The following CSMD1 variants were observed in gnomAD, a reference collection of about 807,000 sequenced individuals.
The protein encoded by CSMD1 is CUB and Sushi multiple domains 1, also known as CUB and sushi domain-containing protein 1.
Under a neutral mutation model 417.5 loss-of-function variants are expected in CSMD1, and 213 were observed. The observed-to-expected ratio is 0.51, with a 90% CI of 0.46 to 0.57. The LOEUF is 0.57. CSMD1 is among the 20% of genes least tolerant of loss of function. CSMD1 has a pLI of 0.00. For missense variants in CSMD1, 6,923 were observed against 4,529.7 expected (o/e 1.53, Z -15.17); for synonymous variants, 2,862 against 1,736.8 (o/e 1.65, Z -16.11).
intron 5 of CSMD1, among the ~76,000 whole-genome samples, chr8:3,771,459 G>T (rs576030067): frequency 2.0e-5 from 3 of 152,178 alleles, no homozygotes; most frequent in East Asian, 1.9e-4. Context: ...TTGCTGGTGG[G>T]GGGGCAAGCA....
intron 3 of CSMD1, among the ~76,000 whole-genome samples, chr8:4,390,497 T>TTTTTTTTTTATTTATTTATTTA (rs58291340): frequency 7.8e-5 from 11 of 140,322 alleles, no homozygotes; most frequent in Admixed American, 6.4e-4. Context: ...AAGCGTCCAT[T>TTTTTTTTTTATTTATTTATTTA]TTTATTTATT....
chr8:4,147,338 G>A (rs1177280461), intron 3 of CSMD1, among the ~76,000 whole-genome samples: 2 of 151,988 alleles, frequency 1.3e-5, no homozygotes, highest in African/African-American at 4.8e-5. Flanking sequence ...CCTGTCTATT[G>A]CGCCCCACCC....
At chr8:2,979,378 G>C (rs1051131847) in intron 54 of CSMD1, among the ~76,000 whole-genome samples, 3 of 152,244 alleles carry the variant, frequency 2.0e-5, no homozygotes, top group African/African-American at 7.2e-5. Context: ...GGTCCGTGGT[G>C]AGGCAGTCTT....
intron 5 of CSMD1, among the ~76,000 whole-genome samples, chr8:3,861,557 C>T (rs74548477): frequency 0.037 from 5,699 of 152,218 alleles, 108 homozygotes; most frequent in Middle Eastern, 0.065. Flanking sequence ...TCCACGTGAG[C>T]ATTACTTGGG....
rs1801016090 is a variant in CSMD1, at chr8:3,703,938, G to A, written c.1009+4476C>T. 2.0e-5 allele frequency among the ~76,000 whole-genome samples: 3 copies of A among 152,164 alleles called. No homozygotes were observed. The South Asian group carries it at 6.2e-4, about 32-fold the overall frequency. The stretch of plus-strand genomic sequence containing the variant: ...ACAAAAAAATTAGTCGGACATGGTG[G>A]CACACACCTGTACTCCCTGCTATTT... On this transcript the variant is annotated intron_variant, in intron 7 of 69. Coordinates refer to ENST00000635120, the MANE Select transcript of CSMD1 (RefSeq NM_033225.6).
Position 4,755,497 on chromosome 8 carries a change from G to A in CSMD1, c.86-117939C>T, listed in dbSNP as rs143663278. 3.0e-3 allele frequency among the ~76,000 whole-genome samples: 461 copies of A among 152,008 alleles called. 4 individuals carry two copies. The highest frequency in any genetic ancestry group is 0.01 in the African/African-American group (426 of 41,472). ...GATTGACATTTATTTTTGGCATAAC[G>A]TTAAAATTGATGTTTCCTGCTTTCA... On this transcript the variant is annotated intron_variant, in intron 1 of 69. Coordinates refer to ENST00000635120, the MANE Select transcript of CSMD1 (RefSeq NM_033225.6).
chr8:4,235,359 T>TG (rs1491533455), intron 3 of CSMD1, among the ~76,000 whole-genome samples: 2 of 119,552 alleles, frequency 1.7e-5, no homozygotes, highest in East Asian at 2.0e-4. Context: ...AGACGTGTTT[T>TG]GTTTTTTTTT....
intron 2 of CSMD1, among the ~76,000 whole-genome samples, chr8:4,477,181 G>T (rs574351862): frequency 6.6e-6 from 1 of 152,248 alleles, no homozygotes; most frequent in Non-Finnish European, 1.5e-5. Flanking sequence ...GTCTTCCTGC[G>T]CAGACACCTC....
intron 1 of CSMD1, among the ~76,000 whole-genome samples, chr8:4,841,110 G>C (rs964771431): frequency 2.0e-5 from 3 of 152,184 alleles, no homozygotes; most frequent in East Asian, 1.9e-4. Flanking sequence ...GTCGACTGCA[G>C]AAACAATTGG....
chr8:3,756,136 C>G (rs1168370550), intron 5 of CSMD1, among the ~76,000 whole-genome samples: 2 of 151,916 alleles, frequency 1.3e-5, no homozygotes. Context: ...GCAGGTGGAT[C>G]AAGAGGTCAG....
intron 50 of CSMD1, among the ~76,000 whole-genome samples, chr8:3,045,401 AT>A (rs1811369285): frequency 1.3e-5 from 2 of 152,192 alleles, no homozygotes; most frequent in Non-Finnish European, 2.9e-5. Context: ...ACAAAAAAAA[AT>A]AGGTATAAGT....
chr8:4,445,256 G>A (rs899540846), intron 2 of CSMD1, among the ~76,000 whole-genome samples: 10 of 151,902 alleles, frequency 6.6e-5, no homozygotes, highest in Admixed American at 3.3e-4. Context: ...TCTCTTTCTA[G>A]CCATATGTTC....
At chr8:4,891,405 T>C (rs568171583) in intron 1 of CSMD1, among the ~76,000 whole-genome samples, 37 of 152,300 alleles carry the variant, frequency 2.4e-4, no homozygotes, top group Middle Eastern at 3.4e-3. Flanking sequence ...GGTTGGTACA[T>C]TGAGCTTTCA....
At chr8:3,669,361 G>A (rs929076945) in intron 7 of CSMD1, among the ~76,000 whole-genome samples, 1 of 152,120 alleles carries the variant, frequency 6.6e-6, no homozygotes, top group Non-Finnish European at 1.5e-5. Context: ...CCTGCCTTGG[G>A]CGGGAGGGTC....
chr8:4,095,037 G>C (rs187406595), intron 3 of CSMD1, among the ~76,000 whole-genome samples: 3 of 152,292 alleles, frequency 2.0e-5, no homozygotes, highest in East Asian at 3.9e-4. Flanking sequence ...TCTTGAGAAA[G>C]TCATGTAAGT....
intron 3 of CSMD1, among the ~76,000 whole-genome samples, chr8:4,146,902 C>A (rs1190220478): frequency 6.6e-6 from 1 of 151,502 alleles, no homozygotes; most frequent in Admixed American, 6.6e-5. Context: ...TGTGAGCCAC[C>A]GCACCGGCCA....
intron 3 of CSMD1, among the ~76,000 whole-genome samples, chr8:4,036,975 GTGTGTGT>G (rs1797653686): frequency 6.7e-6 from 1 of 149,896 alleles, no homozygotes; most frequent in Non-Finnish European, 1.5e-5. Context: ...GTGTGTGTGT[GTGTGTGT>G]GTGTGTGTGT....
intron 3 of CSMD1, among the ~76,000 whole-genome samples, chr8:4,036,681 T>C (rs1797634526): frequency 6.6e-6 from 1 of 152,218 alleles, no homozygotes; most frequent in African/African-American, 2.4e-5. Flanking sequence ...TTTCATGAAA[T>C]TGCATTTCTC....
intron 5 of CSMD1, among the ~76,000 whole-genome samples, chr8:3,963,181 C>G (rs923086282): frequency 2.0e-5 from 3 of 152,172 alleles, no homozygotes; most frequent in Non-Finnish European, 4.4e-5. Context: ...ACCCTCCATT[C>G]TCGGCCTCCC....
Sources: gnomAD v4.1 joint callset for allele counts (sites outside exome capture counted in the v4.1 genomes callset) on GRCh38, gnomAD v4.1.1 for gene constraint, MANE v1.5 for transcripts, NCBI Gene and HGNC (gene_info 2026-07-23, HGNC 2026-07-21) for gene names.